The following NPHP4 variants were observed in gnomAD, a reference collection of about 807,000 sequenced individuals.
The protein encoded by NPHP4 is nephrocystin-4.
A neutral mutation model predicts 155.8 loss-of-function variants in NPHP4; 151 were observed. The ratio of observed to expected loss-of-function variants is 0.97; its 90% confidence interval spans 0.85 to 1.11. The LOEUF is 1.11. Ranked by LOEUF, NPHP4 falls within the 50% of genes least tolerant of loss-of-function variation. The pLI, the probability that NPHP4 is intolerant of heterozygous loss-of-function variation, is 0.00. For missense variants in NPHP4, 1,956 were observed against 1,925.7 expected (o/e 1.02, Z -0.29); for synonymous variants, 845 against 816.8 (o/e 1.03, Z -0.59).
At chr1:5,988,409 G>C (rs1317603294) in intron 1 of NPHP4, among the ~76,000 whole-genome samples, 17 of 152,176 alleles carry the variant, frequency 1.1e-4, no homozygotes, top group Admixed American at 1.1e-3. Context: ...AAAGATATTT[G>C]CAAGAATGCA....
chr1:5,961,618 G>A (rs899201123), intron 6 of NPHP4, among the ~76,000 whole-genome samples, 176 bp downstream of exon 6: 22 of 152,178 alleles, frequency 1.4e-4, no homozygotes, highest in Non-Finnish European at 8.8e-5. Context: ...ACGGAAACTA[G>A]ACTGCCATTC....
Position 5,874,881 on chromosome 1 carries a change from C to T in NPHP4, c.3037G>A (p.Glu1013Lys), listed in dbSNP as rs771042265. ...HTVTVEIDNP[E>K]LSVIVDSQEW... is the part of the protein sequence containing the mutation. The stretch of plus-strand genomic sequence containing the variant: ...GCACCACTGAGACCTCACCTGAGCT[C>T]GGGGTTGTCGATCTCCACAGTCACC... The change falls in exon 21 of 30, where the codon GAG (glutamate) becomes AAG (lysine). Residue 1013 changes from glutamate (E) to lysine (K), a missense_variant. Physicochemically the swap from Glu to Lys is moderately conservative, Grantham distance 56. Coordinates refer to ENST00000378156, the MANE Select transcript of NPHP4 (RefSeq NM_015102.5). The T allele has an allele frequency of 4.8e-5, 78 of 1,613,488 alleles. No homozygotes were observed. Among genetic ancestry groups the T allele is most frequent in the Non-Finnish European group, 5.0e-5 (59 of 1,179,690 alleles).
chr1:5,965,306 G>C (rs954535501), intron 5 of NPHP4, among the ~76,000 whole-genome samples: 2 of 152,066 alleles, frequency 1.3e-5, no homozygotes, highest in Admixed American at 1.3e-4. Flanking sequence ...AAAGCCCACT[G>C]CAAGGATGAG....
At chr1:5,947,890 G>T (rs1057444974) in intron 8 of NPHP4, among the ~76,000 whole-genome samples, 180 bp downstream of exon 8, 1 of 152,086 alleles carries the variant, frequency 6.6e-6, no homozygotes, top group African/African-American at 2.4e-5. Flanking sequence ...AAAAGGGGGG[G>T]GCTTTTTCCA....
Position 5,940,855 on chromosome 1 carries a change from G to C in NPHP4, c.1119+6249C>G, listed in dbSNP as rs572915424. 2.0e-5 allele frequency among the ~76,000 whole-genome samples: 3 copies of C among 152,266 alleles called. No homozygotes were observed. In the South Asian group the frequency reaches 6.2e-4, roughly 32 times the overall value. On this transcript the variant is annotated intron_variant, in intron 9 of 29. Coordinates refer to ENST00000378156, the MANE Select transcript of NPHP4 (RefSeq NM_015102.5). ...TTGGTTAGGGCAACTAAACATCCTT[G>C]AGATGTAAAATTCTCTCTAAATTCA...
At chr1:5,885,974 CCTATGAG>C (rs1425710654) in intron 18 of NPHP4, among the ~76,000 whole-genome samples, 1 of 152,234 alleles carries the variant, frequency 6.6e-6, no homozygotes, top group Non-Finnish European at 1.5e-5. Flanking sequence ...GCCTCCCCTT[CCTATGAG>C]CTTATCTCTC....
At chr1:5,943,630 A>T (rs1646937796) in intron 9 of NPHP4, among the ~76,000 whole-genome samples, 1 of 152,234 alleles carries the variant, frequency 6.6e-6, no homozygotes, top group Admixed American at 6.5e-5. Flanking sequence ...GCCAGGGAAC[A>T]ACAGACAGGC....
chr1:5,912,537 C>CAAA (rs752371714), intron 11 of NPHP4, among the ~76,000 whole-genome samples: 2 of 77,874 alleles, frequency 2.6e-5, no homozygotes, highest in African/African-American at 7.8e-5. Flanking sequence ...GACTCCGTCT[C>CAAA]AAAAAAAAAA....
intron 16 of NPHP4, among the ~76,000 whole-genome samples, chr1:5,899,828 T>C (rs907921708): frequency 6.6e-6 from 1 of 152,046 alleles, no homozygotes; most frequent in African/African-American, 2.4e-5. Context: ...AAGCCATAGA[T>C]AGGGAAAAAA....
intron 6 of NPHP4, among the ~76,000 whole-genome samples, chr1:5,955,959 C>A (rs947005044): frequency 3.3e-5 from 5 of 151,130 alleles, no homozygotes; most frequent in African/African-American, 1.2e-4. Flanking sequence ...ATTTGATCTA[C>A]TCTACAACAC....
chr1:5,982,882 T>C (rs970540045), intron 2 of NPHP4, among the ~76,000 whole-genome samples: 2 of 152,238 alleles, frequency 1.3e-5, no homozygotes, highest in African/African-American at 4.8e-5. Flanking sequence ...TCGATAAACA[T>C]ACTCTATAAT....
chr1:5,901,021 T>C (rs1644652551), intron 16 of NPHP4, among the ~76,000 whole-genome samples: 1 of 151,074 alleles, frequency 6.6e-6, no homozygotes, highest in Admixed American at 6.6e-5. Flanking sequence ...GGTGACAGAG[T>C]AAGATCCTGT....
chr1:5,874,424 A>C (rs372612120), intron 22 of NPHP4, 47 bp downstream of exon 22: 10 of 1,453,142 alleles, frequency 6.9e-6, no homozygotes, highest in African/African-American at 1.4e-5. Context: ...TCAATTTCCC[A>C]CCGTCATCAG....
rs577788231 is a variant in NPHP4, at chr1:5,958,495, G to A, written c.673+3299C>T. On this transcript the variant is annotated intron_variant, in intron 6 of 29. Transcript: ENST00000378156. Reference sequence around the variant, plus strand: ...GGATCACCTGAGGTCAGGAGTTCGAGACCTGCCTGGCCAACGTGGTGAAAC... The same window carrying A: ...GGATCACCTGAGGTCAGGAGTTCGAAACCTGCCTGGCCAACGTGGTGAAAC... 7.9e-5 allele frequency among the ~76,000 whole-genome samples: 12 copies of A among 152,280 alleles called. No individual in the cohort carries two copies. The East Asian group carries it at 2.3e-3, about 29-fold the overall frequency.
intron 29 of NPHP4, 103 bp downstream of exon 29, chr1:5,863,787 A>T: frequency 7.8e-7 from 1 of 1,283,662 alleles, no homozygotes; most frequent in Non-Finnish European, 1.1e-6. Context: ...CTTTTGGAAG[A>T]CTGCTGGTGA....
At position 5,862,979 on chromosome 1, in the gene NPHP4, A is replaced by G; in HGVS notation, c.*286T>C. On this transcript the variant is annotated 3_prime_UTR_variant, in exon 30 of 30. Transcript: ENST00000378156. ...AAATACATTTTGAGCAACAGCGATA[A>G]CGAGGGTCCCACATGCGTAGATGGC... 2.2e-6 allele frequency: 1 copy of G among 463,326 alleles called. No individual in the cohort carries two copies. Among genetic ancestry groups the G allele is most frequent in the Non-Finnish European group, 3.9e-6 (1 of 256,518 alleles). 28.7% of individuals were successfully genotyped at this position (463,326 alleles called of 1,614,324 possible). A position where few individuals can be genotyped will look rare whatever the true frequency, so the allele number is the denominator to read the frequency against.
In NPHP4 at chr1:5,933,292, A is replaced by T; in HGVS notation, c.1157T>A (p.Met386Lys). 6.2e-7 allele frequency: 1 copy of T among 1,613,522 alleles called. No homozygotes were observed. The highest frequency in any genetic ancestry group is 1.3e-5 in the African/African-American group (1 of 75,038). Residue 386 changes from methionine to lysine, a missense_variant, in exon 10 of 30, where the codon ATG becomes AAG. Coordinates refer to ENST00000378156, the MANE Select transcript of NPHP4 (RefSeq NM_015102.5). The stretch of plus-strand genomic sequence containing the variant: ...CCAAACAGCCCAGCGGACCATGTGC[A>T]TGCATGCCAGGTTGGACAGAGAGGT... The part of the protein sequence containing the change: ...SVTSLSNLAC[M>K]HMVRWAVWNP...
intron 3 of NPHP4, among the ~76,000 whole-genome samples, chr1:5,976,397 C>T (rs1162874315): frequency 6.6e-6 from 1 of 152,210 alleles, no homozygotes; most frequent in Non-Finnish European, 1.5e-5. Context: ...ATGGCTGTCA[C>T]AACACCAGGT....
intron 9 of NPHP4, among the ~76,000 whole-genome samples, chr1:5,935,221 A>C (rs1183530091): frequency 5.3e-5 from 8 of 152,280 alleles, no homozygotes; most frequent in Middle Eastern, 3.4e-3. Flanking sequence ...TTTCACATTA[A>C]TCTCTTTTCC....
Sources: allele counts gnomAD v4.1 joint callset (sites outside exome capture counted in the v4.1 genomes callset), GRCh38; gene constraint gnomAD v4.1.1; transcripts MANE v1.5; gene names NCBI Gene and HGNC (gene_info 2026-07-23, HGNC 2026-07-21).